The following EXOC4 variants were observed in gnomAD, a reference collection of about 807,000 sequenced individuals.
EXOC4 encodes the protein exocyst complex component 4.
Under a neutral mutation model 107.2 loss-of-function variants are expected in EXOC4, and 71 were observed. The observed-to-expected ratio is 0.66, with a 90% confidence interval of 0.55 to 0.81. The LOEUF is 0.81. EXOC4 is among the 30% of genes least tolerant of loss of function. The probability of loss-of-function intolerance (pLI) is 0.00; values close to 1 mark genes in which losing one functional copy is unlikely to be tolerated. For synonymous variants in EXOC4, 456 were observed against 441.2 expected (o/e 1.03, Z -0.42); for missense variants, 1,108 against 1,189.6 (o/e 0.93, Z 1.01).
intron 10 of EXOC4, among the ~76,000 whole-genome samples, chr7:133,798,969 A>G (rs1253618518): frequency 6.6e-6 from 1 of 152,150 alleles, no homozygotes; most frequent in East Asian, 1.9e-4. Flanking sequence ...TGTAGACTAC[A>G]GACAATAAGG....
chr7:133,378,980 G>A (rs1796554651), intron 7 of EXOC4, among the ~76,000 whole-genome samples: 1 of 151,982 alleles, frequency 6.6e-6, no homozygotes, highest in African/African-American at 2.4e-5. Context: ...TTCAAGAGAT[G>A]CATTTTATGA....
intron 9 of EXOC4, among the ~76,000 whole-genome samples, chr7:133,591,789 G>T (rs1035038036): frequency 6.6e-6 from 1 of 152,160 alleles, no homozygotes; most frequent in African/African-American, 2.4e-5. Flanking sequence ...TTGGGTTTGT[G>T]GAACGAATGC....
chr7:133,545,193 A>G (rs1293047824), intron 9 of EXOC4, among the ~76,000 whole-genome samples: 4 of 152,128 alleles, frequency 2.6e-5, no homozygotes, highest in Non-Finnish European at 5.9e-5. Flanking sequence ...ATTTGTTAGT[A>G]TCATTAAGAA....
At chr7:134,008,055 G>A in intron 17 of EXOC4, 1 of 458,218 alleles carries the variant, frequency 2.2e-6, no homozygotes, top group Admixed American at 3.9e-5. Flanking sequence ...TCTAACCCAA[G>A]TTCTTCTTAA....
intron 9 of EXOC4, chr7:133,484,093 C>T: frequency 1.2e-6 from 2 of 1,613,290 alleles, no homozygotes; most frequent in Non-Finnish European, 1.7e-6. Context: ...TTAAAAAGCT[C>T]AAATTTTACA....
At chr7:133,751,735 GT>G (rs1390665002) in intron 10 of EXOC4, among the ~76,000 whole-genome samples, 1 of 151,820 alleles carries the variant, frequency 6.6e-6, no homozygotes, top group African/African-American at 2.4e-5. Context: ...GTTACATCTA[GT>G]TTTCCTTTTT....
At chr7:133,346,114 A>G (rs548825148) in intron 5 of EXOC4, among the ~76,000 whole-genome samples, 4 of 152,322 alleles carry the variant, frequency 2.6e-5, no homozygotes, top group African/African-American at 9.6e-5. Flanking sequence ...TATTTAAGAT[A>G]TGTAGTTGGC....
At chr7:133,530,082 A>G (rs868512537) in intron 9 of EXOC4, among the ~76,000 whole-genome samples, 4 of 152,320 alleles carry the variant, frequency 2.6e-5, no homozygotes, top group Middle Eastern at 3.4e-3. Flanking sequence ...CTGCAAGTGT[A>G]CAGCTGGGGC....
At chr7:133,674,371 G>T (rs916621330) in intron 10 of EXOC4, among the ~76,000 whole-genome samples, 1 of 152,096 alleles carries the variant, frequency 6.6e-6, no homozygotes, top group Non-Finnish European at 1.5e-5. Context: ...TGGGGTCAGG[G>T]TTGCTGGATT....
intron 14 of EXOC4, among the ~76,000 whole-genome samples, chr7:133,956,158 A>G (rs1021298518): frequency 2.0e-5 from 3 of 151,796 alleles, no homozygotes; most frequent in Non-Finnish European, 2.9e-5. Context: ...CCACAGGGAC[A>G]GTAGTACCAT....
intron 9 of EXOC4, among the ~76,000 whole-genome samples, chr7:133,586,144 G>T (rs2150972687): frequency 6.6e-6 from 1 of 152,250 alleles, no homozygotes; most frequent in East Asian, 1.9e-4. Flanking sequence ...TAGGTAAATT[G>T]TGTGTCATGG....
intron 10 of EXOC4, among the ~76,000 whole-genome samples, chr7:133,788,866 A>G (rs925484661): frequency 1.3e-5 from 2 of 152,258 alleles, no homozygotes; most frequent in Admixed American, 6.5e-5. Flanking sequence ...TTCAGGCTGT[A>G]TGGAGAATCT....
chr7:133,317,254 G>A, intron 4 of EXOC4, 30 bp from the exon 5 acceptor site: 1 of 1,515,750 alleles, frequency 6.6e-7, no homozygotes, highest in Non-Finnish European at 9.2e-7. Context: ...TTTGAAGAAA[G>A]TGGTAACTAG....
intron 6 of EXOC4, among the ~76,000 whole-genome samples, chr7:133,367,322 G>A (rs959333440): frequency 1.3e-5 from 2 of 152,170 alleles, no homozygotes; most frequent in Non-Finnish European, 2.9e-5. Flanking sequence ...TGGAGAGGTG[G>A]CAGGAAAGCA....
intron 10 of EXOC4, among the ~76,000 whole-genome samples, chr7:133,681,190 C>G (rs1794179038): frequency 6.6e-6 from 1 of 151,904 alleles, no homozygotes; most frequent in East Asian, 1.9e-4. Context: ...GCTGCTGACC[C>G]AAGAAAAAAA....
At chr7:133,471,270 G>A (rs1170829565) in intron 7 of EXOC4, among the ~76,000 whole-genome samples, 2 of 152,044 alleles carry the variant, frequency 1.3e-5, no homozygotes, top group African/African-American at 2.4e-5. Context: ...AAATTAGCTG[G>A]GCGTGGTGGC....
At chr7:133,755,225 T>TATATATATA (rs1462661160) in intron 10 of EXOC4, among the ~76,000 whole-genome samples, 11 of 117,456 alleles carry the variant, frequency 9.4e-5, no homozygotes, top group Non-Finnish European at 6.8e-5. Flanking sequence ...TGTGTGTGTA[T>TATATATATA]ATATATATAA....
intron 8 of EXOC4, 134 bp downstream of exon 8, chr7:133,475,607 TGA>T (rs1798992866): frequency 6.6e-6 from 5 of 760,542 alleles, no homozygotes; most frequent in African/African-American, 3.6e-5. Context: ...GAATATATGT[TGA>T]GTTTTATTTA....
intron 10 of EXOC4, among the ~76,000 whole-genome samples, chr7:133,786,867 TG>T (rs1796580164): frequency 6.6e-6 from 1 of 152,260 alleles, no homozygotes; most frequent in Admixed American, 6.5e-5. Context: ...AGTCCACTAA[TG>T]TATGTTCAGC....
Sources: allele counts gnomAD v4.1 joint callset (sites outside exome capture counted in the v4.1 genomes callset), GRCh38; gene constraint gnomAD v4.1.1; transcripts MANE v1.5; gene names NCBI Gene and HGNC (gene_info 2026-07-23, HGNC 2026-07-21).